The following ATP6V1H variants were observed in gnomAD, a reference collection of about 807,000 sequenced individuals.
ATP6V1H encodes the protein ATPase H+ transporting V1 subunit H.
In ATP6V1H, 39 loss-of-function variants were observed where a neutral mutation model predicts 71.7. The observed-to-expected ratio is 0.54, with a 90% CI of 0.42 to 0.71. The LOEUF (loss-of-function observed/expected upper bound fraction) is 0.71. ATP6V1H is among the 30% of genes least tolerant of loss of function. ATP6V1H has a pLI of 0.00. For synonymous variants in ATP6V1H, 192 were observed against 199.3 expected (o/e 0.96, Z 0.31); for missense variants, 509 against 594.9 (o/e 0.86, Z 1.50).
intron 2 of ATP6V1H, among the ~76,000 whole-genome samples, chr8:53,837,396 T>C (rs1225982305): frequency 6.6e-6 from 1 of 151,874 alleles, no homozygotes; most frequent in African/African-American, 2.4e-5. Flanking sequence ...CTTTTCAGCC[T>C]GCACTCCAGT....
At chr8:53,816,972 G>C (rs1338992304) in intron 5 of ATP6V1H, among the ~76,000 whole-genome samples, 1 of 152,098 alleles carries the variant, frequency 6.6e-6, no homozygotes, top group East Asian at 1.9e-4. Context: ...CACAGGCTTT[G>C]ATGCACTCCT....
intron 2 of ATP6V1H, among the ~76,000 whole-genome samples, chr8:53,833,947 G>A (rs1218446953): frequency 6.6e-6 from 1 of 152,292 alleles, no homozygotes; most frequent in African/African-American, 2.4e-5. Flanking sequence ...TCTGGAGGTA[G>A]AAGAAACACA....
chr8:53,740,118 C>T (rs1216976675), intron 13 of ATP6V1H, among the ~76,000 whole-genome samples: 1 of 152,174 alleles, frequency 6.6e-6, no homozygotes, highest in Non-Finnish European at 1.5e-5. Context: ...ATGATATAAA[C>T]TCAAATGTAT....
intron 8 of ATP6V1H, among the ~76,000 whole-genome samples, chr8:53,800,768 T>C (rs1585802201): frequency 6.6e-6 from 1 of 152,344 alleles, no homozygotes; most frequent in African/African-American, 2.4e-5. Flanking sequence ...TTTGCTATAT[T>C]TTAATTTTTA....
chr8:53,816,586 A>C (rs1810458188), intron 5 of ATP6V1H, among the ~76,000 whole-genome samples: 1 of 152,170 alleles, frequency 6.6e-6, no homozygotes, highest in African/African-American at 2.4e-5. Context: ...TCACAAGGTC[A>C]GGAGTTCAAG....
At chr8:53,822,970 T>A (rs1810708249) in intron 4 of ATP6V1H, among the ~76,000 whole-genome samples, 1 of 152,060 alleles carries the variant, frequency 6.6e-6, no homozygotes. Flanking sequence ...AAATACAGCA[T>A]CCACCTTTAT....
At chr8:53,726,814 A>G (rs1806827849) in intron 13 of ATP6V1H, among the ~76,000 whole-genome samples, 1 of 152,200 alleles carries the variant, frequency 6.6e-6, no homozygotes, top group Admixed American at 6.5e-5. Context: ...TGTGGCACAC[A>G]AGATCATGGA....
chr8:53,836,872 G>T (rs1404126293), intron 2 of ATP6V1H, among the ~76,000 whole-genome samples: 1 of 152,188 alleles, frequency 6.6e-6, no homozygotes, highest in Non-Finnish European at 1.5e-5. Context: ...TGGGCATGGT[G>T]GCTCATGCCT....
chr8:53,775,385 G>A (rs531127533), intron 9 of ATP6V1H, among the ~76,000 whole-genome samples: 1 of 152,152 alleles, frequency 6.6e-6, no homozygotes, highest in African/African-American at 2.4e-5. Flanking sequence ...ATGCTGGCTC[G>A]GGCAGCCTGC....
chr8:53,779,278 G>A (rs1419802929), intron 9 of ATP6V1H, among the ~76,000 whole-genome samples: 1 of 151,672 alleles, frequency 6.6e-6, no homozygotes, highest in Non-Finnish European at 1.5e-5. Context: ...CAGACTATAA[G>A]ACAAGCCATA....
At chr8:53,749,501 C>T (rs540407155) in intron 12 of ATP6V1H, among the ~76,000 whole-genome samples, 58 of 152,184 alleles carry the variant, frequency 3.8e-4, no homozygotes, top group Non-Finnish European at 7.5e-4. Flanking sequence ...GCTGCCACCT[C>T]TTCTCCTCCT....
intron 9 of ATP6V1H, among the ~76,000 whole-genome samples, 158 bp downstream of exon 9, chr8:53,795,488 TA>T (rs1585796761): frequency 6.6e-6 from 1 of 152,186 alleles, no homozygotes; most frequent in African/African-American, 2.4e-5. Flanking sequence ...GCCCACACCA[TA>T]AATACAAATT....
intron 7 of ATP6V1H, among the ~76,000 whole-genome samples, chr8:53,808,125 A>G (rs1013576562): frequency 6.6e-6 from 1 of 152,232 alleles, no homozygotes; most frequent in African/African-American, 2.4e-5. Flanking sequence ...AGGACACGGA[A>G]ACATGTGGGC....
At position 53,734,458 on chromosome 8, in the gene ATP6V1H, A is replaced by G. The variant is rs116120592; in HGVS notation, c.1391+9119T>C. On this transcript the variant is annotated intron_variant, in intron 13 of 13. Transcript: ENST00000359530. ...ATTGCCCCAGGGTACTTCAGCCCAG[A>G]AGGATGAACTCATTGCTTTAATTCA... 2.2e-3 allele frequency among the ~76,000 whole-genome samples: 328 copies of G among 152,298 alleles called. 1 individual carries two copies. The highest frequency in any genetic ancestry group is 6.3e-3 in the African/African-American group (262 of 41,568).
chr8:53,783,199 A>G (rs1459881212), intron 9 of ATP6V1H, among the ~76,000 whole-genome samples: 2 of 151,934 alleles, frequency 1.3e-5, no homozygotes, highest in Non-Finnish European at 2.9e-5. Context: ...GTAAGCTATT[A>G]ATTATTGCCT....
intron 9 of ATP6V1H, among the ~76,000 whole-genome samples, chr8:53,790,733 C>G (rs1340361067): frequency 6.6e-6 from 1 of 152,134 alleles, no homozygotes; most frequent in Non-Finnish European, 1.5e-5. Context: ...CATGATCCAC[C>G]CAAATCATGA....
chr8:53,730,396 A>G (rs1806977055), intron 13 of ATP6V1H, among the ~76,000 whole-genome samples: 1 of 152,200 alleles, frequency 6.6e-6, no homozygotes, highest in Non-Finnish European at 1.5e-5. Context: ...GTTCTGATGG[A>G]TCTTCTAGTG....
chr8:53,829,949 T>G (rs1356589024), intron 3 of ATP6V1H, among the ~76,000 whole-genome samples: 1 of 152,180 alleles, frequency 6.6e-6, no homozygotes, highest in Non-Finnish European at 1.5e-5. Flanking sequence ...CTAGTCTCCA[T>G]TCTACAGTGT....
At chr8:53,807,527 T>C (rs1810122586) in intron 7 of ATP6V1H, among the ~76,000 whole-genome samples, 2 of 152,194 alleles carry the variant, frequency 1.3e-5, no homozygotes, top group Non-Finnish European at 2.9e-5. Context: ...GAAAACATTA[T>C]GCTAAGTGAA....
Sources: allele counts gnomAD v4.1 joint callset (sites outside exome capture counted in the v4.1 genomes callset), GRCh38; gene constraint gnomAD v4.1.1; transcripts MANE v1.5; gene names NCBI Gene and HGNC (gene_info 2026-07-23, HGNC 2026-07-21).